The following PPARGC1A variants were observed in gnomAD, a reference collection of about 807,000 sequenced individuals.
PPARGC1A encodes the protein PPARG coactivator 1 alpha.
Under a neutral mutation model 88.7 loss-of-function variants are expected in PPARGC1A, and 25 were observed. That is an observed-to-expected ratio of 0.28 (90% CI 0.21 to 0.39). PPARGC1A has a LOEUF of 0.39. PPARGC1A is among the 10% of genes least tolerant of loss of function. The pLI, the probability that PPARGC1A is intolerant of heterozygous loss-of-function variation, is 1.00. For synonymous variants in PPARGC1A, 363 were observed against 355.6 expected (o/e 1.02, Z -0.24); for missense variants, 880 against 968.7 (o/e 0.91, Z 1.22).
At chr4:23,826,776 C>G (rs1035346494) in intron 5 of PPARGC1A, among the ~76,000 whole-genome samples, 7 of 151,960 alleles carry the variant, frequency 4.6e-5, no homozygotes, top group African/African-American at 1.7e-4. Context: ...CAGATATATA[C>G]CAAATACAGC....
the PPARGC1A span, among the ~76,000 whole-genome samples, chr4:24,316,075 C>T: frequency 6.6e-6 from 1 of 152,200 alleles, no homozygotes; most frequent in South Asian, 2.1e-4. Context: ...GGTGACGGTT[C>T]TGCTCAATTT....
At chr4:24,104,198 C>T in the PPARGC1A span, among the ~76,000 whole-genome samples, 2 of 152,328 alleles carry the variant, frequency 1.3e-5, no homozygotes, top group Non-Finnish European at 2.9e-5. Context: ...AGCTCCTTAA[C>T]AGTAGAGTGG....
chr4:24,438,839 T>C, the PPARGC1A span, among the ~76,000 whole-genome samples: 1 of 151,772 alleles, frequency 6.6e-6, no homozygotes. Context: ...TCTAGTATAC[T>C]GGCCTCCAAA....
chr4:24,134,832 T>C, the PPARGC1A span, among the ~76,000 whole-genome samples: 3 of 152,226 alleles, frequency 2.0e-5, no homozygotes, highest in Non-Finnish European at 4.4e-5. Flanking sequence ...ACACTTGCCA[T>C]CCTTACAAGT....
chr4:24,334,727 C>T, the PPARGC1A span, among the ~76,000 whole-genome samples: 1 of 152,128 alleles, frequency 6.6e-6, no homozygotes, highest in Non-Finnish European at 1.5e-5. Context: ...AGGTGGGGAG[C>T]TGTTTCAAAC....
chr4:24,040,749 G>C, the PPARGC1A span, among the ~76,000 whole-genome samples: 1 of 152,148 alleles, frequency 6.6e-6, no homozygotes, highest in South Asian at 2.1e-4. Flanking sequence ...TCAATAGCAG[G>C]GAATAAATTA....
At chr4:24,337,058 T>G in the PPARGC1A span, among the ~76,000 whole-genome samples, 1 of 152,284 alleles carries the variant, frequency 6.6e-6, no homozygotes, top group African/African-American at 2.4e-5. Flanking sequence ...TTTAAGGCTC[T>G]GTAAATTGCA....
At chr4:24,032,927 T>C in the PPARGC1A span, among the ~76,000 whole-genome samples, 3 of 152,210 alleles carry the variant, frequency 2.0e-5, no homozygotes, top group Non-Finnish European at 2.9e-5. Flanking sequence ...ATTATCTCAT[T>C]TGATATCTCA....
At position 23,813,734 on chromosome 4, in the gene PPARGC1A, A is replaced by G; in HGVS notation, c.1749T>C (p.Tyr583=). Residue 583 remains tyrosine (Y), a synonymous_variant, in exon 8 of 13, where the codon TAT becomes TAC. Transcript: ENST00000264867. ...CTGGAGACCTTGATCTTGACCTGGA[A>G]TATGGTGATCGGGAACACGACCTGT... ...SRHRSCSRSP[Y]SRSRSRSPGS... is the part of the protein sequence containing the mutation. 1 of 1,612,440 alleles carries G rather than the reference A, an allele frequency of 6.2e-7. No individual in the cohort carries two copies. Among genetic ancestry groups the G allele is most frequent in the South Asian group, 1.1e-5 (1 of 90,920 alleles).
chr4:24,280,015 C>T, the PPARGC1A span, among the ~76,000 whole-genome samples: 1 of 152,158 alleles, frequency 6.6e-6, no homozygotes, highest in South Asian at 2.1e-4. Flanking sequence ...CTAGCCCATC[C>T]GCTCTTTCTC....
At chr4:23,879,734 C>T (rs558328731) in intron 2 of PPARGC1A, among the ~76,000 whole-genome samples, 11 of 152,150 alleles carry the variant, frequency 7.2e-5, no homozygotes, top group Admixed American at 2.6e-4. Context: ...ACACCTCTTA[C>T]GACTGTCAGC....
the PPARGC1A span, among the ~76,000 whole-genome samples, chr4:24,237,539 T>C: frequency 1.3e-5 from 2 of 152,200 alleles, no homozygotes. Flanking sequence ...TCACCTACTA[T>C]TACACACCAA....
the PPARGC1A span, among the ~76,000 whole-genome samples, chr4:24,381,615 A>G: frequency 6.6e-6 from 1 of 152,226 alleles, no homozygotes; most frequent in African/African-American, 2.4e-5. Context: ...GCACAAAAAA[A>G]TCCTACAATC....
the PPARGC1A span, among the ~76,000 whole-genome samples, chr4:24,103,886 A>G: frequency 6.6e-6 from 1 of 152,184 alleles, no homozygotes; most frequent in Non-Finnish European, 1.5e-5. Context: ...CCAACACAGT[A>G]TTTATGAATT....
the PPARGC1A span, among the ~76,000 whole-genome samples, chr4:24,121,583 A>G: frequency 6.6e-6 from 1 of 152,044 alleles, no homozygotes; most frequent in African/African-American, 2.4e-5. Context: ...GGCACCTCAG[A>G]TCCAGCCTCC....
intron 1 of PPARGC1A, 31 bp from the exon 2 acceptor site, chr4:23,884,962 A>C (rs773752794): frequency 2.6e-6 from 4 of 1,509,794 alleles, no homozygotes; most frequent in Non-Finnish European, 3.6e-6. Context: ...AAATTTAAAA[A>C]AGCTTCCATT....
the PPARGC1A span, among the ~76,000 whole-genome samples, chr4:24,238,659 A>C: frequency 6.6e-6 from 1 of 152,088 alleles, no homozygotes; most frequent in African/African-American, 2.4e-5. Context: ...AGGCTTCTCA[A>C]GAACATTTTA....
At chr4:24,376,762 T>A in the PPARGC1A span, among the ~76,000 whole-genome samples, 2 of 152,342 alleles carry the variant, frequency 1.3e-5, no homozygotes, top group East Asian at 3.9e-4. Context: ...ACCTACACGA[T>A]GAACTTACCT....
At chr4:24,035,606 T>C in the PPARGC1A span, among the ~76,000 whole-genome samples, 1 of 151,620 alleles carries the variant, frequency 6.6e-6, no homozygotes, top group South Asian at 2.1e-4. Context: ...TTTGGAAATA[T>C]GAGTAATTTT....
Sources: gnomAD v4.1 joint callset for allele counts (sites outside exome capture counted in the v4.1 genomes callset) on GRCh38, gnomAD v4.1.1 for gene constraint, MANE v1.5 for transcripts, NCBI Gene and HGNC (gene_info 2026-07-23, HGNC 2026-07-21) for gene names.